The following TNRC18 variants were observed in gnomAD, a reference collection of about 807,000 sequenced individuals.
TNRC18 encodes trinucleotide repeat-containing gene 18 protein.
TNRC18 carries 69 observed loss-of-function variants against 226.7 expected under a neutral mutation model. The ratio of observed to expected loss-of-function variants is 0.30; its 90% confidence interval spans 0.25 to 0.37. The LOEUF is 0.37. Among genes scored for constraint, TNRC18 ranks in the 10% least tolerant of loss-of-function variants. TNRC18 has a pLI of 1.00. For missense variants in TNRC18, 4,754 were observed against 4,256.6 expected (o/e 1.12, Z -3.25); for synonymous variants, 2,449 against 1,927.6 (o/e 1.27, Z -7.09).
At chr7:5,387,495 G>A (rs992603325) in intron 5 of TNRC18, among the ~76,000 whole-genome samples, 177 bp downstream of exon 5, 1 of 152,220 alleles carries the variant, frequency 6.6e-6, no homozygotes, top group Non-Finnish European at 1.5e-5. Flanking sequence ...TGCCCATCAA[G>A]GGAGTGGAAA....
intron 9 of TNRC18, among the ~76,000 whole-genome samples, chr7:5,375,080 C>T (rs186995822): frequency 9.2e-5 from 14 of 152,264 alleles, no homozygotes; most frequent in East Asian, 1.9e-4. Context: ...GAGGCCAAGG[C>T]GGGTGGATCA....
chr7:5,375,565 G>T (rs1056491354), intron 9 of TNRC18, among the ~76,000 whole-genome samples: 3 of 152,112 alleles, frequency 2.0e-5, no homozygotes, highest in Admixed American at 1.3e-4. Flanking sequence ...GCACTACCTG[G>T]GCCGACTCCT....
intron 14 of TNRC18, among the ~76,000 whole-genome samples, chr7:5,361,249 G>A (rs1338619963): frequency 6.6e-6 from 1 of 152,208 alleles, no homozygotes; most frequent in Non-Finnish European, 1.5e-5. Context: ...CAACAAGCAA[G>A]GCTGGCAGCC....
At position 5,378,954 on chromosome 7, in the gene TNRC18, TG is replaced by T. The variant is rs548607649; in HGVS notation, c.2153-931del. ...AATCCCAGCACTTTGGGAGGCCGGG[TG>T]GGGGGGGCGGGGCGGATCACCTGAG... On this transcript the variant is annotated intron_variant, in intron 5 of 29. Coordinates refer to ENST00000430969, the MANE Select transcript of TNRC18 (RefSeq NM_001080495.3). Among the ~76,000 whole-genome samples, 111 of 31,168 alleles carry T rather than the reference TG, an allele frequency of 3.6e-3. 1 individual carries two copies. In the East Asian group the frequency reaches 0.07, roughly 20 times the overall value. The allele number at this position is 31,168 out of a possible 152,430, so 20.4% of individuals were successfully genotyped here. A position where few individuals can be genotyped will look rare whatever the true frequency, so the allele number is the denominator to read the frequency against.
chr7:5,387,190 G>GT (rs1779854141), intron 5 of TNRC18, among the ~76,000 whole-genome samples: 1 of 152,216 alleles, frequency 6.6e-6, no homozygotes, highest in Non-Finnish European at 1.5e-5. Flanking sequence ...CAAGTACTGA[G>GT]TATCAAGACC....
rs759963814 is a variant in TNRC18, at chr7:5,324,165, G to A, written c.6442+49C>T. The A allele has an allele frequency of 9.7e-6, 15 of 1,542,688 alleles. No homozygotes were observed. Among genetic ancestry groups the A allele is most frequent in the Middle Eastern group, 2.1e-4 (1 of 4,804 alleles). On this transcript the variant is annotated intron_variant, in intron 21 of 29. Coordinates refer to ENST00000430969, the MANE Select transcript of TNRC18 (RefSeq NM_001080495.3). The surrounding 1 kb of genome is among the most constrained non-coding windows in gnomAD (Gnocchi z 4.8). Reference sequence around the variant, plus strand: ...CTTGCTCAGATCTGCCTCCCCCAAGGGAGGCTCCAGCAGCCCCGCCCGGCA... The same window carrying A: ...CTTGCTCAGATCTGCCTCCCCCAAGAGAGGCTCCAGCAGCCCCGCCCGGCA...
rs766994318 is a variant in TNRC18 at position 5,352,032 on chromosome 7, T to G, written c.5257A>C (p.Ser1753Arg). 1.2e-5 allele frequency: 19 copies of G among 1,613,888 alleles called. No homozygotes were observed. The highest frequency in any genetic ancestry group is 3.3e-4 in the Middle Eastern group (2 of 6,062). Residue 1753 changes from serine (S) to arginine (R), a missense_variant, in exon 17 of 30, where the codon AGC (serine) becomes CGC (arginine). Coordinates refer to ENST00000430969, the MANE Select transcript of TNRC18 (RefSeq NM_001080495.3). ...AGGAGGGAAGGCGTCAGTTTGGAGCTGGAGGGGCCTTGGGCGGGCCACTCG... is the reference window on the plus strand; with the variant it reads ...AGGAGGGAAGGCGTCAGTTTGGAGCGGGAGGGGCCTTGGGCGGGCCACTCG... ...KDEWPAQGPS[S>R]SKLTPSLLCS...
chr7:5,308,095 G>A lies in TNRC18; in HGVS notation c.*11C>T, dbSNP rs1786745773. 1.3e-6 allele frequency: 2 copies of A among 1,546,254 alleles called. No homozygotes were observed. Among genetic ancestry groups the A allele is most frequent in the Non-Finnish European group, 1.7e-6 (2 of 1,144,636 alleles). ...CCTCGGGGCACAGGTGGCCCGCAGG[G>A]CCCGGCGGGCTCAGCAGAGCACGGG... On this transcript the variant is annotated 3_prime_UTR_variant, in exon 30 of 30. Coordinates refer to ENST00000430969, the MANE Select transcript of TNRC18 (RefSeq NM_001080495.3).
intron 24 of TNRC18, among the ~76,000 whole-genome samples, chr7:5,319,222 C>T (rs1788112337): frequency 6.6e-6 from 1 of 152,184 alleles, no homozygotes. Flanking sequence ...GGCCTGAGAT[C>T]CTCTACTCAG....
intron 2 of TNRC18, among the ~76,000 whole-genome samples, chr7:5,399,156 C>T (rs930589318): frequency 6.6e-6 from 1 of 152,148 alleles, no homozygotes; most frequent in Admixed American, 6.6e-5. Context: ...AAGGACCGAG[C>T]AGTTGCCATC....
At chr7:5,345,523 C>CCCCCCCCCCCCCCCCCCCCAA in intron 18 of TNRC18, 39 bp downstream of exon 18, 1 of 179,160 alleles carries the variant, frequency 5.6e-6, no homozygotes, top group East Asian at 2.0e-4. Context: ...GTCCGCCCCT[C>CCCCCCCCCCCCCCCCCCCCAA]CCACCCACCC....
rs1584151676 is a variant in TNRC18, at chr7:5,423,613, A to T, written c.-416T>A. 1 of 150,374 alleles carries T rather than the reference A, an allele frequency of 6.7e-6. No homozygotes were observed. Among genetic ancestry groups the T allele is most frequent in the African/African-American group, 2.5e-5 (1 of 40,752 alleles). 9.3% of individuals were successfully genotyped at this position (150,374 alleles called of 1,614,324 possible). The stretch of plus-strand genomic sequence containing the variant: ...CCCGCCTTTCCTTTTTTTGGTAGAA[A>T]ACCGCTCCCCGGGCCGAGCGCTCGG... On this transcript the variant is annotated 5_prime_UTR_variant, in exon 1 of 30. Transcript: ENST00000430969.
intron 21 of TNRC18, among the ~76,000 whole-genome samples, chr7:5,323,086 G>GC (rs1315015644): frequency 6.6e-6 from 1 of 152,200 alleles, no homozygotes; most frequent in East Asian, 1.9e-4. Flanking sequence ...CTGGGGGTCT[G>GC]CATGGCCACC....
At chr7:5,387,161 AC>A (rs551632060) in intron 5 of TNRC18, among the ~76,000 whole-genome samples, 13 of 152,330 alleles carry the variant, frequency 8.5e-5, no homozygotes, top group Non-Finnish European at 1.6e-4. Context: ...TAAACTCTCT[AC>A]CTACCTAAAA....
rs1460230789 is a variant in TNRC18, at chr7:5,320,423, T to A, written c.6640A>T (p.Ile2214Phe). ...CGAGTGGAGGCTGGCCTCACATCGA[T>A]GATCTAGAAGGGCATGGGATGAGTG... ...CLEQLLQEAIIDVRPASTRFL... is the reference protein window; with the variant it reads ...CLEQLLQEAIFDVRPASTRFL... The change falls in exon 24 of 30, where the codon ATC (isoleucine) becomes TTC (phenylalanine). Residue 2214 changes from isoleucine (I) to phenylalanine (F), a missense_variant. By Grantham distance (21) the Ile-to-Phe change is conservative (BLOSUM62 0). Transcript: ENST00000430969. 1 of 1,561,956 alleles carries A rather than the reference T, an allele frequency of 6.4e-7. No individual in the cohort carries two copies. Among genetic ancestry groups the A allele is most frequent in the Admixed American group, 1.9e-5 (1 of 52,062 alleles).
intron 2 of TNRC18, among the ~76,000 whole-genome samples, chr7:5,403,361 T>G (rs1781242818): frequency 1.3e-5 from 2 of 152,154 alleles, no homozygotes; most frequent in Admixed American, 1.3e-4. Flanking sequence ...GGTTTCTCCA[T>G]GTTGGTCAGG....
intron 22 of TNRC18, 49 bp from the exon 23 acceptor site, chr7:5,320,656 G>A (rs780322598): frequency 6.5e-7 from 1 of 1,549,564 alleles, no homozygotes; most frequent in Non-Finnish European, 8.8e-7. Context: ...GACCTCCCCA[G>A]AGGGCCTCAA....
intron 10 of TNRC18, among the ~76,000 whole-genome samples, chr7:5,372,023 G>A (rs1373203527): frequency 6.6e-6 from 1 of 151,426 alleles, no homozygotes; most frequent in Non-Finnish European, 1.5e-5. Context: ...TCAGCCTCGC[G>A]AGCAGCTGGG....
rs1430508654 is a variant in TNRC18 at position 5,307,303 on chromosome 7, G to T, written c.*803C>A. 6.6e-6 allele frequency: 1 copy of T among 150,788 alleles called. No homozygotes were observed. The highest frequency in any genetic ancestry group is 1.5e-5 in the Non-Finnish European group (1 of 67,760). The allele number at this position is 150,788 out of a possible 1,614,324, so 9.3% of individuals were successfully genotyped here. A position where few individuals can be genotyped will look rare whatever the true frequency, so the allele number is the denominator to read the frequency against. On this transcript the variant is annotated 3_prime_UTR_variant, in exon 30 of 30. Transcript: ENST00000430969. ...TCTTTATATATATAATTAAAAAGTT[G>T]ACTCCATTTAAAGGCTTATGATACA...
Sources: allele counts gnomAD v4.1 joint callset (sites outside exome capture counted in the v4.1 genomes callset), GRCh38; gene constraint gnomAD v4.1.1; non-coding constraint Gnocchi (gnomAD v3.1); transcripts MANE v1.5; gene names NCBI Gene and HGNC (gene_info 2026-07-23, HGNC 2026-07-21).